CADPS: variants seen among roughly 807,000 people sequenced by gnomAD.
The protein encoded by CADPS is calcium-dependent secretion activator 1.
In CADPS, 57 loss-of-function variants were observed where a neutral mutation model predicts 167.3. The observed-to-expected ratio is 0.34, with a 90% CI of 0.28 to 0.42. The LOEUF is 0.42. Ranked by LOEUF, CADPS falls within the 20% of genes least tolerant of loss-of-function variation. CADPS has a pLI of 1.00. For synonymous variants in CADPS, 676 were observed against 635.3 expected, an observed-to-expected ratio of 1.06 and a Z score of -0.96; for missense variants, 1,414 against 1,738.1, an observed-to-expected ratio of 0.81 and a Z score of 3.32.
At chr3:62,693,058 C>T (rs2079507020) in intron 3 of CADPS, among the ~76,000 whole-genome samples, 1 of 151,924 alleles carries the variant, frequency 6.6e-6, no homozygotes, top group African/African-American at 2.4e-5. Context: ...TTTCCCCATC[C>T]CAGAGCCCTG....
intron 6 of CADPS, among the ~76,000 whole-genome samples, chr3:62,607,648 T>C (rs571467430): frequency 1.3e-5 from 2 of 152,282 alleles, no homozygotes; most frequent in East Asian, 3.9e-4. Flanking sequence ...CCCCATCCCG[T>C]GAGACCTCCC....
Position 62,806,285 on chromosome 3 carries a change from G to A in CADPS, c.442-40301C>T, listed in dbSNP as rs759922706. ...CAGTATACTAACAATAGTAGCAATA[G>A]TAAAGACTTTCATTGAACATCTACT... is the stretch of plus-strand genomic sequence containing the variant. On this transcript the variant is annotated intron_variant, in intron 1 of 29. Coordinates refer to ENST00000383710, the MANE Select transcript of CADPS (RefSeq NM_003716.4). 7.4e-4 allele frequency among the ~76,000 whole-genome samples: 112 copies of A among 150,738 alleles called. 1 individual carries two copies. The highest frequency in any genetic ancestry group is 1.4e-3 in the Non-Finnish European group (92 of 67,858).
intron 3 of CADPS, among the ~76,000 whole-genome samples, chr3:62,733,505 T>C (rs544837695): frequency 6.6e-6 from 1 of 152,316 alleles, no homozygotes; most frequent in South Asian, 2.1e-4. Context: ...TCTTGTACAT[T>C]TTTCTCCTGA....
intron 7 of CADPS, among the ~76,000 whole-genome samples, chr3:62,588,233 C>T (rs1019343380): frequency 1.3e-5 from 2 of 152,056 alleles, no homozygotes; most frequent in Non-Finnish European, 2.9e-5. Context: ...GGAAAGAATC[C>T]CTGTCCCTGA....
chr3:62,676,661 C>T (rs1009647267), intron 3 of CADPS, among the ~76,000 whole-genome samples: 5 of 152,010 alleles, frequency 3.3e-5, no homozygotes, highest in Non-Finnish European at 5.9e-5. Context: ...GTCCTGCAGG[C>T]GTTTTGGTGA....
At chr3:62,677,594 A>G (rs2076527262) in intron 3 of CADPS, among the ~76,000 whole-genome samples, 1 of 152,132 alleles carries the variant, frequency 6.6e-6, no homozygotes, top group Admixed American at 6.6e-5. Context: ...ACAAGGAATT[A>G]TCCAGCTTAA....
chr3:62,821,767 G>A (rs2094931640), intron 1 of CADPS, among the ~76,000 whole-genome samples: 1 of 152,096 alleles, frequency 6.6e-6, no homozygotes, highest in Admixed American at 6.6e-5. Flanking sequence ...CATAAACACT[G>A]GGTGACACAG....
chr3:62,841,541 C>T (rs2076647518), intron 1 of CADPS, among the ~76,000 whole-genome samples: 1 of 152,130 alleles, frequency 6.6e-6, no homozygotes, highest in South Asian at 2.1e-4. Flanking sequence ...CATGGCAAAA[C>T]CTTGTCTCTA....
intron 3 of CADPS, among the ~76,000 whole-genome samples, chr3:62,674,380 C>A (rs560634199): frequency 1.3e-5 from 2 of 152,228 alleles, no homozygotes; most frequent in South Asian, 2.1e-4. Flanking sequence ...CTGGTGGAAA[C>A]TGGGTCTATT....
At chr3:62,596,088 TACACACACACACAC>T (rs56780830) in intron 6 of CADPS, among the ~76,000 whole-genome samples, 7,003 of 135,898 alleles carry the variant, frequency 0.052, 223 homozygotes, top group African/African-American at 0.075. Context: ...TATATATGTA[TACACACACACACAC>T]ACACACACAC....
At chr3:62,418,538 G>A (rs539892472) in intron 28 of CADPS, among the ~76,000 whole-genome samples, 29 of 129,256 alleles carry the variant, frequency 2.2e-4, no homozygotes, top group South Asian at 1.9e-3. Context: ...ATGGGATTTC[G>A]CCATATTGCC....
Position 62,458,013 on chromosome 3 carries a change from T to C in CADPS, c.3636+7354A>G, listed in dbSNP as rs956964659. On this transcript the variant is annotated intron_variant, in intron 26 of 29. Coordinates refer to ENST00000383710, the MANE Select transcript of CADPS (RefSeq NM_003716.4). This position sits in a 1 kb window ranked among gnomAD's most constrained non-coding sequence, Gnocchi z 4.6. ...GGTTGATGGGTGCAGCAAACCACCA[T>C]GGCACATGTATACCTATGTAACAAA... 3.3e-5 allele frequency among the ~76,000 whole-genome samples: 5 copies of C among 152,152 alleles called. No homozygotes were observed. The highest frequency in any genetic ancestry group is 9.7e-5 in the African/African-American group (4 of 41,434).
At chr3:62,511,944 A>C (rs2067931881) in intron 17 of CADPS, among the ~76,000 whole-genome samples, 2 of 152,284 alleles carry the variant, frequency 1.3e-5, no homozygotes, top group South Asian at 4.1e-4. Flanking sequence ...TCCCTACCAG[A>C]GAGAAAGGTT....
At position 62,455,816 on chromosome 3, in the gene CADPS, G is replaced by A. The variant is rs946118609; in HGVS notation, c.3636+9551C>T. On this transcript the variant is annotated intron_variant, in intron 26 of 29. Transcript: ENST00000383710. This position sits in a 1 kb window ranked among gnomAD's most constrained non-coding sequence, Gnocchi z 4.4. ...TGGCTTTGGTGCTGAGCAAGTGAGG[G>A]CTATATTGTTGTTACTGAATAGTAA... 4.7e-4 allele frequency among the ~76,000 whole-genome samples: 72 copies of A among 152,168 alleles called. 1 individual carries two copies. The highest frequency in any genetic ancestry group is 1.6e-3 in the African/African-American group (68 of 41,464).
intron 21 of CADPS, among the ~76,000 whole-genome samples, chr3:62,484,478 T>C (rs1181054691): frequency 1.3e-5 from 2 of 152,174 alleles, no homozygotes; most frequent in African/African-American, 4.8e-5. Flanking sequence ...TCTGAGAGAA[T>C]CATAATTGGA....
At position 62,874,884 on chromosome 3, in the gene CADPS, C is replaced by A. The variant is rs768942724; in HGVS notation, c.146G>T (p.Gly49Val). ...SEGSAGSAGL[G>V]GGGAGAGAGV... Reference sequence around the variant, plus strand: ...GGCTCCGGCGCCGGCGCCGCCGCCCCCCAGCCCGGCGCTGCCGGCCGAGCC... The same window carrying A: ...GGCTCCGGCGCCGGCGCCGCCGCCCACCAGCCCGGCGCTGCCGGCCGAGCC... Residue 49 changes from glycine (G) to valine (V), a missense_variant, in exon 1 of 30, where the codon GGG becomes GTG. By Grantham distance (109) the Gly-to-Val change is moderately radical. Around this residue, in one of 6 missense-constraint regions of CADPS, gnomAD observed 522 missense variants for 559.5 expected, o/e 0.93. Transcript: ENST00000383710. The surrounding 1 kb of genome is among the most constrained non-coding windows in gnomAD (Gnocchi z 7.1). The A allele has an allele frequency of 2.4e-6, 3 of 1,249,402 alleles. No individual in the cohort carries two copies. The highest frequency in any genetic ancestry group is 5.0e-5 in the South Asian group (2 of 39,898). 77.4% of individuals were successfully genotyped at this position (1,249,402 alleles called of 1,614,324 possible). A position where few individuals can be genotyped will look rare whatever the true frequency, so the allele number is the denominator to read the frequency against.
At chr3:62,565,157 G>A (rs571866056) in intron 9 of CADPS, among the ~76,000 whole-genome samples, 2 of 152,262 alleles carry the variant, frequency 1.3e-5, no homozygotes, top group East Asian at 3.9e-4. Flanking sequence ...CCATGGACCC[G>A]AGGGTTTAGA....
At chr3:62,747,071 A>T (rs964468208) in intron 3 of CADPS, among the ~76,000 whole-genome samples, 2 of 152,218 alleles carry the variant, frequency 1.3e-5, no homozygotes, top group Admixed American at 1.3e-4. Context: ...TGTATGACAA[A>T]GTAAGAAAGT....
At chr3:62,784,126 T>A (rs987615069) in intron 1 of CADPS, among the ~76,000 whole-genome samples, 1 of 152,192 alleles carries the variant, frequency 6.6e-6, no homozygotes, top group African/African-American at 2.4e-5. Context: ...GCTGGGATTC[T>A]ATTTAAAAAG....
Sources: gnomAD v4.1 joint callset for allele counts (sites outside exome capture counted in the v4.1 genomes callset) on GRCh38, gnomAD v4.1.1 for gene constraint, gnomAD v4.1.1 regional missense constraint, Gnocchi (gnomAD v3.1) non-coding constraint, MANE v1.5 for transcripts, NCBI Gene and HGNC (gene_info 2026-07-23, HGNC 2026-07-21) for gene names.